Variants in LUZP2 observed in about 807,000 individuals in gnomAD.
LUZP2 encodes leucine zipper protein 2.
LUZP2 carries 52 observed loss-of-function variants against 51.6 expected under a neutral mutation model. That is an observed-to-expected ratio of 1.01 (90% CI 0.81 to 1.27). The LOEUF is 1.27. LUZP2 is among the 50% of genes most tolerant of loss of function. The probability of loss-of-function intolerance (pLI) is 0.00; values close to 1 mark genes in which losing one functional copy is unlikely to be tolerated. For missense variants in LUZP2, 436 were observed against 395.4 expected (o/e 1.10, Z -0.87); for synonymous variants, 154 against 137.3 (o/e 1.12, Z -0.85).
intron 1 of LUZP2, among the ~76,000 whole-genome samples, chr11:24,535,359 T>C (rs1259569540): frequency 6.6e-6 from 1 of 151,596 alleles, no homozygotes. Context: ...TAACATGAAA[T>C]ACTATTTTAT....
chr11:24,929,604 T>C (rs1565124214), intron 7 of LUZP2, among the ~76,000 whole-genome samples: 1 of 152,148 alleles, frequency 6.6e-6, no homozygotes, highest in Non-Finnish European at 1.5e-5. Context: ...ATTTTGATTT[T>C]CTTAAATTGA....
chr11:24,705,977 T>C (rs1857569038), intron 1 of LUZP2, among the ~76,000 whole-genome samples: 1 of 151,682 alleles, frequency 6.6e-6, no homozygotes, highest in South Asian at 2.1e-4. Context: ...CCTGCCTATT[T>C]AGAAAGCATT....
intron 5 of LUZP2, among the ~76,000 whole-genome samples, chr11:24,859,324 G>A (rs988674157): frequency 6.6e-6 from 1 of 152,044 alleles, no homozygotes; most frequent in African/African-American, 2.4e-5. Context: ...TATTTATGAA[G>A]CCCAAATTTG....
chr11:24,838,606 A>G (rs1850930305), intron 5 of LUZP2, among the ~76,000 whole-genome samples: 2 of 151,652 alleles, frequency 1.3e-5, no homozygotes, highest in African/African-American at 4.8e-5. Context: ...ATTTAAGTTC[A>G]CTTTTGTGTC....
chr11:24,855,580 A>T (rs1270346699), intron 5 of LUZP2, among the ~76,000 whole-genome samples: 2 of 152,228 alleles, frequency 1.3e-5, no homozygotes, highest in Non-Finnish European at 2.9e-5. Context: ...TTATCAAACT[A>T]CCAAGATCAT....
In LUZP2 at chr11:24,906,011, A is replaced by C; in HGVS notation, c.417A>C (p.Lys139Asn). The C allele has an allele frequency of 4.3e-6, 7 of 1,613,110 alleles. No homozygotes were observed. The highest frequency in any genetic ancestry group is 5.9e-6 in the Non-Finnish European group (7 of 1,179,436). The change falls in exon 6 of 12, where the codon AAA becomes AAC. Residue 139 changes from lysine (K) to asparagine (N), a missense_variant. Transcript: ENST00000336930. ...LQNENKSLKN[K>N]LLSGNKLCGI... is the part of the protein sequence containing the mutation. ...CTCAGAATAAAAGCTTGAAAAACAA[A>C]CTCTTGTCAGGAAACAAGCTCTGTG...
intron 1 of LUZP2, among the ~76,000 whole-genome samples, chr11:24,626,320 A>G (rs1854681190): frequency 6.6e-6 from 1 of 152,194 alleles, no homozygotes; most frequent in Non-Finnish European, 1.5e-5. Flanking sequence ...CAAAACAAAA[A>G]TGCAGAAACT....
chr11:24,969,987 A>G (rs1236908706), intron 7 of LUZP2, among the ~76,000 whole-genome samples: 1 of 152,172 alleles, frequency 6.6e-6, no homozygotes, highest in African/African-American at 2.4e-5. Context: ...AAGATGAACC[A>G]TGCATTTGTA....
chr11:24,923,062 A>G (rs1034345024), intron 7 of LUZP2, among the ~76,000 whole-genome samples: 2 of 151,444 alleles, frequency 1.3e-5, no homozygotes, highest in Non-Finnish European at 2.9e-5. Flanking sequence ...TTTAGCCAGG[A>G]TGGTCTCGAT....
At chr11:24,905,588 C>T (rs545134676) in intron 5 of LUZP2, among the ~76,000 whole-genome samples, 2 of 152,110 alleles carry the variant, frequency 1.3e-5, no homozygotes, top group South Asian at 2.1e-4. Flanking sequence ...CCAAATGGAC[C>T]TCATGGACAT....
chr11:24,678,118 T>G (rs1856627936), intron 1 of LUZP2, among the ~76,000 whole-genome samples: 1 of 151,940 alleles, frequency 6.6e-6, no homozygotes, highest in African/African-American at 2.4e-5. Context: ...GTATTATTTT[T>G]TGTTGTTTTT....
At chr11:24,975,696 C>G (rs1187661920) in intron 7 of LUZP2, among the ~76,000 whole-genome samples, 1 of 152,048 alleles carries the variant, frequency 6.6e-6, no homozygotes, top group African/African-American at 2.4e-5. Flanking sequence ...AAGTCAAGGG[C>G]TTTGCCCAAT....
chr11:25,027,826 C>T (rs2121230), intron 9 of LUZP2, among the ~76,000 whole-genome samples: 86,629 of 149,504 alleles, frequency 0.58, 26,128 homozygotes, highest in African/African-American at 0.75. Flanking sequence ...GCTGAGATCA[C>T]GCCACTGCAC....
At position 24,651,471 on chromosome 11, in the gene LUZP2, A is replaced by T. The variant is rs61875709; in HGVS notation, c.63-77698A>T. 5.3e-3 allele frequency among the ~76,000 whole-genome samples: 800 copies of T among 152,244 alleles called. 4 individuals carry two copies. Among genetic ancestry groups the T allele is most frequent in the South Asian group, 0.021 (103 of 4,832 alleles). ...ATGTGCCTAAAGGGAGAAGGGGCAG[A>T]TGATTTTTGTTGAGTGCCTGTTCTA... On this transcript the variant is annotated intron_variant, in intron 1 of 11. Coordinates refer to ENST00000336930, the MANE Select transcript of LUZP2 (RefSeq NM_001009909.4).
Position 24,829,503 on chromosome 11 carries a change from G to A in LUZP2, c.396+66195G>A, listed in dbSNP as rs572179281. ...TAACAAGTGCTCAAAGATTGTGGGA[G>A]AAATATATGTGATTATATATGTATA... On this transcript the variant is annotated intron_variant, in intron 5 of 11. Transcript: ENST00000336930. Among the ~76,000 whole-genome samples, 114 of 152,196 alleles carry A rather than the reference G, an allele frequency of 7.5e-4. 2 individuals carry two copies. The South Asian group carries it at 0.023, about 31-fold the overall frequency.
intron 5 of LUZP2, among the ~76,000 whole-genome samples, chr11:24,764,489 C>CAAAAAAAAAAAAAAAAAAAAAAAAAAAA (rs1565124723): frequency 3.5e-5 from 2 of 56,420 alleles, no homozygotes; most frequent in Non-Finnish European, 7.1e-5. Context: ...AATCTCATCT[C>CAAAAAAAAAAAAAAAAAAAAAAAAAAAA]TAAAAAAAAA....
intron 1 of LUZP2, among the ~76,000 whole-genome samples, chr11:24,572,460 A>T (rs759413732): frequency 2.6e-5 from 4 of 151,976 alleles, no homozygotes; most frequent in African/African-American, 4.8e-5. Context: ...ATGTCTAATT[A>T]TGGAGTTCAT....
At chr11:24,790,941 T>G (rs1849388561) in intron 5 of LUZP2, among the ~76,000 whole-genome samples, 1 of 152,210 alleles carries the variant, frequency 6.6e-6, no homozygotes, top group Non-Finnish European at 1.5e-5. Flanking sequence ...TGTCTTAAGT[T>G]TATGAGTGTC....
At chr11:24,918,350 T>C (rs538733119) in intron 7 of LUZP2, among the ~76,000 whole-genome samples, 3 of 152,192 alleles carry the variant, frequency 2.0e-5, no homozygotes, top group Non-Finnish European at 4.4e-5. Flanking sequence ...CTGATTGCCC[T>C]GGCCAGAACT....
Sources: gnomAD v4.1 joint callset for allele counts (sites outside exome capture counted in the v4.1 genomes callset) on GRCh38, gnomAD v4.1.1 for gene constraint, MANE v1.5 for transcripts, NCBI Gene and HGNC (gene_info 2026-07-23, HGNC 2026-07-21) for gene names.